TECPR2: variants seen among roughly 807,000 people sequenced by gnomAD.
TECPR2 encodes the protein tectonin beta-propeller repeat-containing protein 2.
A neutral mutation model predicts 138.1 loss-of-function variants in TECPR2; 65 were observed. That is an observed-to-expected ratio of 0.47 (90% CI 0.39 to 0.58). The LOEUF (loss-of-function observed/expected upper bound fraction) is 0.58. Among genes scored for constraint, TECPR2 ranks in the 20% least tolerant of loss-of-function variants. The probability of loss-of-function intolerance (pLI) is 0.00; values close to 1 mark genes in which losing one functional copy is unlikely to be tolerated. For synonymous variants in TECPR2, 746 were observed against 749.8 expected, an observed-to-expected ratio of 0.99 and a Z score of 0.08; for missense variants, 1,553 against 1,824.5, an observed-to-expected ratio of 0.85 and a Z score of 2.71.
chr14:102,411,215 C>A (rs561530007), intron 4 of TECPR2, among the ~76,000 whole-genome samples: 70 of 152,356 alleles, frequency 4.6e-4, no homozygotes, highest in African/African-American at 1.4e-3. Flanking sequence ...ATACCACCCC[C>A]CAAAAATTTT....
intron 17 of TECPR2, among the ~76,000 whole-genome samples, chr14:102,470,336 C>A (rs146912405): frequency 1.4e-5 from 2 of 147,682 alleles, no homozygotes; most frequent in South Asian, 4.3e-4. Flanking sequence ...GACATGGAGT[C>A]TCGCTCTGTC....
At chr14:102,474,893 C>T (rs907512148) in intron 17 of TECPR2, among the ~76,000 whole-genome samples, 1 of 152,028 alleles carries the variant, frequency 6.6e-6, no homozygotes, top group Non-Finnish European at 1.5e-5. Flanking sequence ...CTGGAAAACA[C>T]ATAACCTTGC....
intron 16 of TECPR2, among the ~76,000 whole-genome samples, chr14:102,461,112 T>C (rs1407767069): frequency 1.3e-5 from 2 of 152,226 alleles, no homozygotes; most frequent in East Asian, 1.9e-4. Context: ...GGTTGGCTGC[T>C]GAACCAAGTT....
rs771618718 is a variant in TECPR2 at position 102,497,017 on chromosome 14, C to A, written c.3828C>A (p.Pro1276=). 1 of 1,614,100 alleles carries A rather than the reference C, an allele frequency of 6.2e-7. No individual in the cohort carries two copies. Among genetic ancestry groups the A allele is most frequent in the Admixed American group, 1.7e-5 (1 of 60,028 alleles). The change falls in exon 18 of 20, where the codon CCC becomes CCA. Residue 1276 remains proline, a synonymous_variant. Transcript: ENST00000359520. Reference sequence around the variant, plus strand: ...GCTTGGTCAGCGTCCATTCCAGCCCCAACGACCAGATGCTGTGGGTGCTTG... The same window carrying A: ...GCTTGGTCAGCGTCCATTCCAGCCCAAACGACCAGATGCTGTGGGTGCTTG... ...GVSLVSVHSS[P]NDQMLWVLDS...
rs371279772 is a variant in TECPR2, at chr14:102,432,182, T to C, written c.1417+54T>C. 333 of 1,428,018 alleles carry C rather than the reference T, an allele frequency of 2.3e-4. 1 individual carries two copies. The African/African-American group carries it at 4.3e-3, about 19-fold the overall frequency. The allele number at this position is 1,428,018 out of a possible 1,614,324, so 88.5% of individuals were successfully genotyped here. On this transcript the variant is annotated intron_variant, in intron 8 of 19. Coordinates refer to ENST00000359520, the MANE Select transcript of TECPR2 (RefSeq NM_014844.5). ...CTGGGGTTACAGTCTTTCCAGATTC[T>C]CTGGGAGTGCTGCTGCTCACTGAGT... is the stretch of plus-strand genomic sequence containing the variant.
At chr14:102,494,842 A>C (rs1004953052) in intron 17 of TECPR2, among the ~76,000 whole-genome samples, 2 of 150,472 alleles carry the variant, frequency 1.3e-5, no homozygotes, top group East Asian at 2.0e-4. Context: ...AAAAAAAAAA[A>C]CTAAACTAGC....
chr14:102,450,456 T>C, intron 14 of TECPR2, 104 bp from the exon 15 acceptor site: 1 of 1,074,516 alleles, frequency 9.3e-7, no homozygotes. Flanking sequence ...TAGAATTATC[T>C]GGAGAAAGGG....
At chr14:102,382,295 A>C in intron 2 of TECPR2, among the ~76,000 whole-genome samples, 1 of 149,002 alleles carries the variant, frequency 6.7e-6, no homozygotes. Flanking sequence ...CTCCGTCCCA[A>C]AAAAAAAAAA....
intron 11 of TECPR2, among the ~76,000 whole-genome samples, chr14:102,440,854 G>A (rs1889809143): frequency 2.0e-5 from 3 of 152,210 alleles, no homozygotes; most frequent in African/African-American, 7.2e-5. Context: ...GTGAGATACA[G>A]AAACAGAATC....
Position 102,363,133 on chromosome 14 carries a change from C to G in TECPR2, c.-73+17C>G, listed in dbSNP as rs910913878. ...CCGCGGGAGGTGAGTCCGGCGACGCCGCAAGCGGCCCCGACGCCCCCGACG... is the reference window on the plus strand; with the variant it reads ...CCGCGGGAGGTGAGTCCGGCGACGCGGCAAGCGGCCCCGACGCCCCCGACG... On this transcript the variant is annotated intron_variant, in intron 1 of 19. Transcript: ENST00000359520. The G allele has an allele frequency of 1.3e-5, 5 of 374,152 alleles. No homozygotes were observed. The highest frequency in any genetic ancestry group is 2.4e-5 in the Non-Finnish European group (5 of 211,132). 23.2% of individuals were successfully genotyped at this position (374,152 alleles called of 1,614,324 possible). A position where few individuals can be genotyped will look rare whatever the true frequency, so the allele number is the denominator to read the frequency against.
intron 15 of TECPR2, among the ~76,000 whole-genome samples, chr14:102,451,498 T>G (rs1345363255): frequency 1.3e-5 from 2 of 152,134 alleles, no homozygotes; most frequent in Non-Finnish European, 2.9e-5. Context: ...TGGCATAAAT[T>G]AATTTGGCAG....
At chr14:102,457,384 C>G (rs1890300976) in intron 16 of TECPR2, among the ~76,000 whole-genome samples, 1 of 152,080 alleles carries the variant, frequency 6.6e-6, no homozygotes, top group Non-Finnish European at 1.5e-5. Context: ...TGCGCCTGAC[C>G]CAAGAGACCT....
intron 2 of TECPR2, among the ~76,000 whole-genome samples, chr14:102,400,025 G>A (rs11626217): frequency 0.71 from 105,740 of 149,724 alleles, 37,552 homozygotes; most frequent in Middle Eastern, 0.76. Flanking sequence ...GTTGGTTTGT[G>A]AATCCACATT....
chr14:102,438,218 G>A lies in TECPR2; in HGVS notation c.2578+13G>A, dbSNP rs1459255718. The A allele has an allele frequency of 7.6e-5, 66 of 870,438 alleles. No homozygotes were observed. The highest frequency in any genetic ancestry group is 3.2e-5 in the African/African-American group (2 of 62,282). The allele number at this position is 870,438 out of a possible 1,614,324, so 53.9% of individuals were successfully genotyped here. ...GTCTCGCCCTCAGGTTCGCCTCCCC[G>A]CTCCCTGCTCCCGCTCCCTGCTCCC... On this transcript the variant is annotated intron_variant, in intron 10 of 19. Coordinates refer to ENST00000359520, the MANE Select transcript of TECPR2 (RefSeq NM_014844.5).
rs868392319 is a variant in TECPR2, at chr14:102,449,750, G to A, written c.3197G>A (p.Arg1066His). The A allele has an allele frequency of 9.3e-6, 15 of 1,614,044 alleles. 2 individuals are homozygous for A. The Middle Eastern group carries it at 9.9e-4, about 106-fold the overall frequency. Residue 1066 changes from arginine to histidine, a missense_variant, in exon 14 of 20, where the codon CGC becomes CAC. By Grantham distance (29) the Arg-to-His change is conservative. Transcript: ENST00000359520. ...GTAGAAAAGGTGGCAGATAAGCTGC[G>A]CATGGCGTTTTGGTCCCAGCAGCTT... The part of the protein sequence containing the change: ...APVEKVADKL[R>H]MAFWSQQLQC...
intron 9 of TECPR2, among the ~76,000 whole-genome samples, chr14:102,435,630 T>G (rs1889646665): frequency 6.6e-6 from 1 of 152,142 alleles, no homozygotes; most frequent in Non-Finnish European, 1.5e-5. Flanking sequence ...TCTCCTGTCC[T>G]TCTCCTCACA....
intron 5 of TECPR2, among the ~76,000 whole-genome samples, chr14:102,422,627 C>T (rs1018608841): frequency 6.6e-6 from 1 of 152,148 alleles, no homozygotes; most frequent in African/African-American, 2.4e-5. Flanking sequence ...ATTATATTGT[C>T]TTTAGAGATA....
intron 2 of TECPR2, among the ~76,000 whole-genome samples, chr14:102,405,343 A>C (rs1888631240): frequency 6.6e-6 from 1 of 152,124 alleles, no homozygotes; most frequent in Non-Finnish European, 1.5e-5. Flanking sequence ...CTCAACAATG[A>C]AAAAACCCAA....
chr14:102,467,291 A>G (rs1890565551), intron 17 of TECPR2, among the ~76,000 whole-genome samples: 1 of 148,480 alleles, frequency 6.7e-6, no homozygotes, highest in Non-Finnish European at 1.5e-5. Flanking sequence ...GCAAGATATG[A>G]GAGTTCTAGT....
Sources: gnomAD v4.1 joint callset for allele counts (sites outside exome capture counted in the v4.1 genomes callset) on GRCh38, gnomAD v4.1.1 for gene constraint, MANE v1.5 for transcripts, NCBI Gene and HGNC (gene_info 2026-07-23, HGNC 2026-07-21) for gene names.